The following HACD2 variants were observed in gnomAD, a reference collection of about 807,000 sequenced individuals.
HACD2 encodes the protein 3-hydroxyacyl-CoA dehydratase 2.
Under a neutral mutation model 31.0 loss-of-function variants are expected in HACD2, and 15 were observed. That is an observed-to-expected ratio of 0.48 (90% CI 0.32 to 0.75). The LOEUF (loss-of-function observed/expected upper bound fraction) is 0.75. HACD2 is among the 30% of genes least tolerant of loss of function. The pLI is 0.03. For missense variants in HACD2, 283 were observed against 313.0 expected (o/e 0.90, Z 0.72); for synonymous variants, 115 against 122.2 (o/e 0.94, Z 0.39).
intron 3 of HACD2, among the ~76,000 whole-genome samples, chr3:123,542,295 C>T (rs945829215): frequency 6.6e-6 from 1 of 151,322 alleles, no homozygotes; most frequent in Non-Finnish European, 1.5e-5. Context: ...GAATTATATT[C>T]AACTCCACAA....
Position 123,531,717 on chromosome 3 carries a change from A to G in HACD2, c.293-3243T>C, listed in dbSNP as rs1162931422. On this transcript the variant is annotated intron_variant, in intron 3 of 6. Coordinates refer to ENST00000383657, the MANE Select transcript of HACD2 (RefSeq NM_198402.5). Reference sequence around the variant, plus strand: ...CTCTAAGCATATTTTAAACCAGTTTAACTTCTACTGTTTATATTGTTTTTG... The same window carrying G: ...CTCTAAGCATATTTTAAACCAGTTTGACTTCTACTGTTTATATTGTTTTTG... 2.0e-5 allele frequency among the ~76,000 whole-genome samples: 3 copies of G among 152,214 alleles called. No homozygotes were observed. In the East Asian group the frequency reaches 5.8e-4, roughly 29 times the overall value.
chr3:123,539,487 T>G (rs2056463321), intron 3 of HACD2, among the ~76,000 whole-genome samples: 1 of 151,666 alleles, frequency 6.6e-6, no homozygotes, highest in African/African-American at 2.4e-5. Context: ...CAAGAATCAC[T>G]TGAACCCAGG....
At chr3:123,547,008 A>G (rs1298801731) in intron 3 of HACD2, among the ~76,000 whole-genome samples, 1 of 152,242 alleles carries the variant, frequency 6.6e-6, no homozygotes, top group African/African-American at 2.4e-5. Flanking sequence ...AATTTTAAAA[A>G]TCTGCTTTCT....
chr3:123,500,390 C>A, intron 6 of HACD2, 125 bp downstream of exon 6: 4 of 678,378 alleles, frequency 5.9e-6, no homozygotes, highest in Non-Finnish European at 9.6e-6. Context: ...CAATAAAAAC[C>A]AAGAATTCCC....
intron 3 of HACD2, among the ~76,000 whole-genome samples, chr3:123,529,938 G>A (rs2056335488): frequency 2.6e-5 from 4 of 152,070 alleles, no homozygotes. Context: ...TATTGAAGAT[G>A]GAAAGCTCAT....
chr3:123,498,619 AAGGTAGAAC>A (rs2055864118), intron 6 of HACD2, among the ~76,000 whole-genome samples: 1 of 152,226 alleles, frequency 6.6e-6, no homozygotes, highest in Admixed American at 6.5e-5. Context: ...CTGATGATCT[AAGGTAGAAC>A]AGTTTCATCC....
In HACD2 at chr3:123,584,902, C is replaced by G. The variant is rs1280634181; in HGVS notation, c.126G>C (p.Leu42=). 2 of 1,526,468 alleles carry G rather than the reference C, an allele frequency of 1.3e-6. No homozygotes were observed. The highest frequency in any genetic ancestry group is 1.8e-6 in the Non-Finnish European group (2 of 1,136,850). 94.6% of individuals were successfully genotyped at this position (1,526,468 alleles called of 1,614,324 possible). ...CTGTCATCACCACATTGTAGATGAC[C>G]AGGTACGCCGTGGCCAGGGGCCCCG... ...KGPGPLATAY[L]VIYNVVMTAG... The change falls in exon 1 of 7, where the codon CTG becomes CTC. Residue 42 remains leucine, a synonymous_variant. Coordinates refer to ENST00000383657, the MANE Select transcript of HACD2 (RefSeq NM_198402.5).
chr3:123,500,761 C>A, intron 5 of HACD2, 68 bp from the exon 6 acceptor site: 2 of 1,006,852 alleles, frequency 2.0e-6, no homozygotes, highest in African/African-American at 1.6e-5. Context: ...GCACTTCCCA[C>A]CCTTCTAATC....
intron 4 of HACD2, among the ~76,000 whole-genome samples, chr3:123,503,259 T>A: frequency 7.2e-6 from 1 of 138,974 alleles, no homozygotes; most frequent in South Asian, 2.2e-4. Context: ...AGTGAGACTG[T>A]CTCAAAAAAA....
rs114379798 is a variant in HACD2, at chr3:123,508,221, G to C, written c.382-5540C>G. Among the ~76,000 whole-genome samples, 571 of 152,262 alleles carry C rather than the reference G, an allele frequency of 3.8e-3. 5 individuals carry two copies. Among genetic ancestry groups the C allele is most frequent in the Middle Eastern group, 0.014 (4 of 294 alleles). On this transcript the variant is annotated intron_variant, in intron 4 of 6. Transcript: ENST00000383657. ...AATGATGGGCACAAATAGGGGAGCG[G>C]GTACCATGAAGCCCTTCCGGTTAGG...
At chr3:123,560,637 A>C (rs963253480) in intron 3 of HACD2, among the ~76,000 whole-genome samples, 5 of 152,228 alleles carry the variant, frequency 3.3e-5, no homozygotes, top group Admixed American at 1.3e-4. Flanking sequence ...GGTCCCGGTA[A>C]GAACAAGGCT....
chr3:123,577,940 A>G (rs1356522920), intron 2 of HACD2, among the ~76,000 whole-genome samples: 3 of 152,208 alleles, frequency 2.0e-5, no homozygotes, highest in South Asian at 2.1e-4. Flanking sequence ...GTGGTTTTTA[A>G]TATGTTCACA....
intron 3 of HACD2, among the ~76,000 whole-genome samples, chr3:123,534,037 T>TGTGC (rs2056397167): frequency 6.6e-6 from 1 of 150,576 alleles, no homozygotes; most frequent in African/African-American, 2.4e-5. Context: ...GGAGTGTGTG[T>TGTGC]GTGTGTGTGT....
At chr3:123,519,913 C>T (rs1362377707) in intron 4 of HACD2, among the ~76,000 whole-genome samples, 1 of 152,212 alleles carries the variant, frequency 6.6e-6, no homozygotes, top group Non-Finnish European at 1.5e-5. Context: ...TACCAATCAC[C>T]TCACTTTTAC....
intron 3 of HACD2, among the ~76,000 whole-genome samples, chr3:123,537,482 T>C (rs755694063): frequency 9.9e-5 from 15 of 151,640 alleles, no homozygotes; most frequent in Admixed American, 2.6e-4. Context: ...GGAGGAACGC[T>C]TGAACCAGGA....
chr3:123,569,658 G>A (rs1231360462), intron 2 of HACD2, among the ~76,000 whole-genome samples: 2 of 151,772 alleles, frequency 1.3e-5, no homozygotes, highest in Non-Finnish European at 2.9e-5. Context: ...CACTGCACCC[G>A]GCCCAGAAAA....
intron 4 of HACD2, 22 bp downstream of exon 4, chr3:123,528,364 T>C: frequency 7.2e-7 from 1 of 1,397,136 alleles, no homozygotes; most frequent in Non-Finnish European, 1.0e-6. Context: ...TTGACATTAT[T>C]TTGGTCTATA....
chr3:123,527,499 G>T (rs1187024756), intron 4 of HACD2, among the ~76,000 whole-genome samples: 2 of 152,116 alleles, frequency 1.3e-5, no homozygotes, highest in Admixed American at 6.5e-5. Context: ...AGCTAACTTG[G>T]TTATCAGTGC....
chr3:123,506,866 T>C (rs995263532), intron 4 of HACD2, among the ~76,000 whole-genome samples: 15 of 152,302 alleles, frequency 9.8e-5, no homozygotes, highest in African/African-American at 3.4e-4. Flanking sequence ...AGGAGGGGTT[T>C]TTTGAGGGGC....
Sources: allele counts gnomAD v4.1 joint callset (sites outside exome capture counted in the v4.1 genomes callset), GRCh38; gene constraint gnomAD v4.1.1; transcripts MANE v1.5; gene names NCBI Gene and HGNC (gene_info 2026-07-23, HGNC 2026-07-21).